KCNQ1: variants seen among roughly 807,000 people sequenced by gnomAD.
The protein encoded by KCNQ1 is potassium voltage-gated channel subfamily Q member 1, also known as potassium voltage-gated channel subfamily KQT member 1.
In KCNQ1, 49 loss-of-function variants were observed where a neutral mutation model predicts 72.4. The observed-to-expected ratio is 0.68, with a 90% confidence interval of 0.54 to 0.86. The LOEUF is 0.86. Ranked by LOEUF, KCNQ1 falls within the 40% of genes least tolerant of loss-of-function variation. The probability of loss-of-function intolerance (pLI) is 0.00; values close to 1 mark genes in which losing one functional copy is unlikely to be tolerated. For missense variants in KCNQ1, 790 were observed against 945.1 expected, an observed-to-expected ratio of 0.84 and a Z score of 2.15; for synonymous variants, 450 against 412.6, an observed-to-expected ratio of 1.09 and a Z score of -1.10.
At chr11:2,584,367 A>G (rs1389545428) in intron 7 of KCNQ1, among the ~76,000 whole-genome samples, 1 of 149,660 alleles carries the variant, frequency 6.7e-6, no homozygotes, top group Non-Finnish European at 1.5e-5. Flanking sequence ...GTTTTAGTGT[A>G]TGTTAGTGTG....
At chr11:2,685,072 G>T (rs777812393) in intron 11 of KCNQ1, 1 of 398,666 alleles carries the variant, frequency 2.5e-6, no homozygotes, top group Non-Finnish European at 4.4e-6. Context: ...GACAGCCTGT[G>T]AGAATTACAG....
intron 15 of KCNQ1, among the ~76,000 whole-genome samples, chr11:2,823,876 G>C (rs1417805199): frequency 6.6e-6 from 1 of 152,172 alleles, no homozygotes; most frequent in Non-Finnish European, 1.5e-5. Flanking sequence ...AGCCGAGGGT[G>C]GGGTGAGAGC....
chr11:2,779,073 G>A (rs534222094), intron 15 of KCNQ1, among the ~76,000 whole-genome samples: 3 of 152,238 alleles, frequency 2.0e-5, no homozygotes, highest in Non-Finnish European at 2.9e-5. Context: ...ATGGGGCTGT[G>A]TGACCACAGT....
chr11:2,723,655 T>C lies in KCNQ1; in HGVS notation c.1515-45189T>C, dbSNP rs1046677886. ...GCCTCGAATCCCTCACACCTAGCGGTTGGCTGGGCAGGTGGACTGGTCCGA... is the reference window on the plus strand; with the variant it reads ...GCCTCGAATCCCTCACACCTAGCGGCTGGCTGGGCAGGTGGACTGGTCCGA... On this transcript the variant is annotated intron_variant, in intron 11 of 15. Transcript: ENST00000155840. The surrounding 1 kb of genome is among the most constrained non-coding windows in gnomAD (Gnocchi z 4.2). Among the ~76,000 whole-genome samples the C allele has an allele frequency of 1.3e-5, 2 of 152,208 alleles. No homozygotes were observed. Among genetic ancestry groups the C allele is most frequent in the African/African-American group, 4.8e-5 (2 of 41,458 alleles).
chr11:2,627,573 A>G lies in KCNQ1; in HGVS notation c.1394-34388A>G, dbSNP rs1038978021. ...AGTATTTGTCTTTCTGTGTCTGGCT[A>G]TTTCACTTAGCATAATATCCTCCAG... On this transcript the variant is annotated intron_variant, in intron 10 of 15. Transcript: ENST00000155840. This position sits in a 1 kb window ranked among gnomAD's most constrained non-coding sequence, Gnocchi z 4.9. The G allele has an allele frequency of 4.0e-5, 16 of 398,228 alleles. No homozygotes were observed. In the Admixed American group the frequency reaches 5.3e-4, roughly 13 times the overall value. 24.7% of individuals were successfully genotyped at this position (398,228 alleles called of 1,614,324 possible). A position where few individuals can be genotyped will look rare whatever the true frequency, so the allele number is the denominator to read the frequency against.
At chr11:2,667,052 C>T in intron 11 of KCNQ1, 1 of 398,682 alleles carries the variant, frequency 2.5e-6, no homozygotes, top group Non-Finnish European at 4.4e-6. Flanking sequence ...CAGGCTCAAA[C>T]CCGTCTCTGA....
Position 2,614,626 on chromosome 11 carries a change from TAA to T in KCNQ1, c.1393+25775_1393+25776del, listed in dbSNP as rs1174142112. 2.3e-5 allele frequency: 9 copies of T among 398,396 alleles called. No homozygotes were observed. The East Asian group carries it at 2.9e-4, about 13-fold the overall frequency. 24.7% of individuals were successfully genotyped at this position (398,396 alleles called of 1,614,324 possible). On this transcript the variant is annotated intron_variant, in intron 10 of 15. Transcript: ENST00000155840. ...ATCCAGTTGCCCCAGCACCATTTGTTAAAAGACTACTCTTCCCACTGAATTCT... is the reference window on the plus strand; with the variant it reads ...ATCCAGTTGCCCCAGCACCATTTGTTAAGACTACTCTTCCCACTGAATTCT...
At chr11:2,469,940 A>G (rs560266941) in intron 1 of KCNQ1, among the ~76,000 whole-genome samples, 1 of 152,302 alleles carries the variant, frequency 6.6e-6, no homozygotes, top group Non-Finnish European at 1.5e-5. Context: ...GATTACAGGC[A>G]TGAGCCACCA....
Position 2,674,547 on chromosome 11 carries a change from A to T in KCNQ1, c.1514+12466A>T. 2.5e-6 allele frequency: 1 copy of T among 398,614 alleles called. No homozygotes were observed. The highest frequency in any genetic ancestry group is 4.4e-6 in the Non-Finnish European group (1 of 226,054). The allele number at this position is 398,614 out of a possible 1,614,324, so 24.7% of individuals were successfully genotyped here. Reference sequence around the variant, plus strand: ...AAGCCCATTCGGAGGATTTAGACAAATACCTCGAGTGAGTGAATCTGAAGC... The same window carrying T: ...AAGCCCATTCGGAGGATTTAGACAATTACCTCGAGTGAGTGAATCTGAAGC... On this transcript the variant is annotated intron_variant, in intron 11 of 15. Transcript: ENST00000155840. This position sits in a 1 kb window ranked among gnomAD's most constrained non-coding sequence, Gnocchi z 5.9.
At position 2,777,569 on chromosome 11, in the gene KCNQ1, G is replaced by A. The variant is rs144568623; in HGVS notation, c.1733-407G>A. On this transcript the variant is annotated intron_variant, in intron 14 of 15. Coordinates refer to ENST00000155840, the MANE Select transcript of KCNQ1 (RefSeq NM_000218.3). ...CATTCCCTGGGGTTTCCCTAGCCCAGATGCAAACAGCAGCCACGGCTCATA... is the reference window on the plus strand; with the variant it reads ...CATTCCCTGGGGTTTCCCTAGCCCAAATGCAAACAGCAGCCACGGCTCATA... 8.8e-4 allele frequency: 488 copies of A among 553,620 alleles called. 3 individuals carry two copies. The East Asian group carries it at 0.011, about 12-fold the overall frequency. The allele number at this position is 553,620 out of a possible 1,614,324, so 34.3% of individuals were successfully genotyped here. A position where few individuals can be genotyped will look rare whatever the true frequency, so the allele number is the denominator to read the frequency against.
intron 2 of KCNQ1, 64 bp downstream of exon 2, chr11:2,528,082 C>A: frequency 1.5e-6 from 2 of 1,375,658 alleles, no homozygotes; most frequent in Non-Finnish European, 2.0e-6. Context: ...ATCTCCCTGG[C>A]GCTGGGCCCC....
Position 2,536,035 on chromosome 11 carries a change from C to T in KCNQ1, c.477+8017C>T, listed in dbSNP as rs1847726415. ...TCTGTTCCCCCGGGACAGCCTTGGT[C>T]CAGCCTCACTGGCCACATGCTCTGC... On this transcript the variant is annotated intron_variant, in intron 2 of 15. Transcript: ENST00000155840. This position sits in a 1 kb window ranked among gnomAD's most constrained non-coding sequence, Gnocchi z 7.4. Among the ~76,000 whole-genome samples, 1 of 152,154 alleles carries T rather than the reference C, an allele frequency of 6.6e-6. No homozygotes were observed. The highest frequency in any genetic ancestry group is 2.1e-4 in the South Asian group (1 of 4,826).
In KCNQ1 at chr11:2,617,857, C is replaced by T. The variant is rs1249666063; in HGVS notation, c.1393+29003C>T. Reference sequence around the variant, plus strand: ...CTTTGCAAAAATGTCTACTCAGTTCCACTGCCCATTTTTTAATTGGGTTAT... The same window carrying T: ...CTTTGCAAAAATGTCTACTCAGTTCTACTGCCCATTTTTTAATTGGGTTAT... On this transcript the variant is annotated intron_variant, in intron 10 of 15. Coordinates refer to ENST00000155840, the MANE Select transcript of KCNQ1 (RefSeq NM_000218.3). The surrounding 1 kb of genome is among the most constrained non-coding windows in gnomAD (Gnocchi z 4.6). The T allele has an allele frequency of 2.5e-6, 1 of 398,480 alleles. No individual in the cohort carries two copies. The highest frequency in any genetic ancestry group is 4.4e-6 in the Non-Finnish European group (1 of 226,012). The allele number at this position is 398,480 out of a possible 1,614,324, so 24.7% of individuals were successfully genotyped here.
rs149208172 is a variant in KCNQ1 at position 2,665,458 on chromosome 11, G to A, written c.1514+3377G>A. 1,674 of 397,070 alleles carry A rather than the reference G, an allele frequency of 4.2e-3. 4 individuals are homozygous for A. The highest frequency in any genetic ancestry group is 4.7e-3 in the Non-Finnish European group (1,060 of 225,852). 24.6% of individuals were successfully genotyped at this position (397,070 alleles called of 1,614,324 possible). A position where few individuals can be genotyped will look rare whatever the true frequency, so the allele number is the denominator to read the frequency against. Reference sequence around the variant, plus strand: ...TCTGCTCACCAAGGGTCACTGGCACGACAGTGGGTGGGGACGGTGCCATGC... The same window carrying A: ...TCTGCTCACCAAGGGTCACTGGCACAACAGTGGGTGGGGACGGTGCCATGC... On this transcript the variant is annotated intron_variant, in intron 11 of 15. Transcript: ENST00000155840.
At chr11:2,556,298 C>A (rs1005815542) in intron 2 of KCNQ1, among the ~76,000 whole-genome samples, 4 of 152,204 alleles carry the variant, frequency 2.6e-5, no homozygotes, top group Non-Finnish European at 5.9e-5. Context: ...AACAAGGTCA[C>A]ACTCTGAGGT....
chr11:2,674,296 T>G lies in KCNQ1; in HGVS notation c.1514+12215T>G. The G allele has an allele frequency of 2.5e-6, 1 of 398,618 alleles. No individual in the cohort carries two copies. The allele number at this position is 398,618 out of a possible 1,614,324, so 24.7% of individuals were successfully genotyped here. Reference sequence around the variant, plus strand: ...CACACACTAGGACCTTTCTTCATCATGCAGCCGTAGAGCTGGAGGCCAAGG... The same window carrying G: ...CACACACTAGGACCTTTCTTCATCAGGCAGCCGTAGAGCTGGAGGCCAAGG... On this transcript the variant is annotated intron_variant, in intron 11 of 15. Coordinates refer to ENST00000155840, the MANE Select transcript of KCNQ1 (RefSeq NM_000218.3). This position sits in a 1 kb window ranked among gnomAD's most constrained non-coding sequence, Gnocchi z 5.9.
chr11:2,790,897 G>A (rs1847008533), intron 15 of KCNQ1, among the ~76,000 whole-genome samples: 1 of 152,280 alleles, frequency 6.6e-6, no homozygotes, highest in East Asian at 1.9e-4. Context: ...CTGAATCCAG[G>A]TCTTGCTTTC....
chr11:2,733,814 A>ACACACACACACTCTCTCTCT, intron 11 of KCNQ1, among the ~76,000 whole-genome samples: 4 of 86,656 alleles, frequency 4.6e-5, no homozygotes, highest in Admixed American at 1.2e-4. Flanking sequence ...ACACACACAC[A>ACACACACACACTCTCTCTCT]CTCTCTCACT....
intron 11 of KCNQ1, chr11:2,685,067 C>G (rs1338818173): frequency 5.0e-6 from 2 of 398,526 alleles, no homozygotes; most frequent in Admixed American, 8.8e-5. Flanking sequence ...TATGGGACAG[C>G]CTGTGAGAAT....
Sources: allele counts gnomAD v4.1 joint callset (sites outside exome capture counted in the v4.1 genomes callset), GRCh38; gene constraint gnomAD v4.1.1; non-coding constraint Gnocchi (gnomAD v3.1); transcripts MANE v1.5; gene names NCBI Gene and HGNC (gene_info 2026-07-23, HGNC 2026-07-21).